The following ITPR1 variants were observed in gnomAD, a reference collection of about 807,000 sequenced individuals.
The protein encoded by ITPR1 is inositol 1,4,5-trisphosphate-gated calcium channel ITPR1.
Under a neutral mutation model 318.4 loss-of-function variants are expected in ITPR1, and 96 were observed. The ratio of observed to expected loss-of-function variants is 0.30; its 90% CI spans 0.26 to 0.36. ITPR1 has a LOEUF of 0.36. Among genes scored for constraint, ITPR1 ranks in the 10% least tolerant of loss-of-function variants. The pLI is 1.00. For synonymous variants in ITPR1, 1,312 were observed against 1,289.9 expected (o/e 1.02, Z -0.37); for missense variants, 2,440 against 3,460.2 (o/e 0.71, Z 7.40).
intron 4 of ITPR1, among the ~76,000 whole-genome samples, chr3:4,613,962 C>T (rs2092277957): frequency 1.3e-5 from 2 of 152,198 alleles, no homozygotes; most frequent in East Asian, 1.9e-4. Flanking sequence ...AAAATACCAC[C>T]TCCACCTCTA....
In ITPR1 at chr3:4,697,129, C is replaced by G; in HGVS notation, c.4282-18C>G. On this transcript the variant is annotated intron_variant, in intron 33 of 61. Transcript: ENST00000649015. ...ACACCAAGATGGTTTTTCAGAAAAG[C>G]TTCTTTCTATCTTGCAGGTTAAAAT... 1 of 1,608,408 alleles carries G rather than the reference C, an allele frequency of 6.2e-7. No homozygotes were observed. The highest frequency in any genetic ancestry group is 8.5e-7 in the Non-Finnish European group (1 of 1,176,900).
At chr3:4,566,200 A>G (rs1020705947) in intron 4 of ITPR1, among the ~76,000 whole-genome samples, 5 of 152,212 alleles carry the variant, frequency 3.3e-5, no homozygotes, top group Non-Finnish European at 5.9e-5. Context: ...GCCAATTTGG[A>G]AACTGAACCT....
intron 18 of ITPR1, among the ~76,000 whole-genome samples, chr3:4,668,584 C>G (rs1031667690): frequency 5.9e-5 from 9 of 152,136 alleles, no homozygotes; most frequent in Admixed American, 5.9e-4. Flanking sequence ...TGTTCTGCCT[C>G]AGGCTCCCCA....
chr3:4,523,249 T>C (rs910281117), intron 4 of ITPR1, among the ~76,000 whole-genome samples: 8 of 152,200 alleles, frequency 5.3e-5, no homozygotes, highest in African/African-American at 1.4e-4. Flanking sequence ...GAGATTCTAA[T>C]GTACTGTACG....
chr3:4,821,478 A>G (rs1026993495), intron 60 of ITPR1, among the ~76,000 whole-genome samples: 5 of 152,234 alleles, frequency 3.3e-5, no homozygotes, highest in Admixed American at 3.3e-4. Context: ...ATGGGTTTTC[A>G]TCTCACCCCA....
intron 56 of ITPR1, among the ~76,000 whole-genome samples, chr3:4,812,447 G>A (rs1001215940): frequency 6.6e-6 from 1 of 152,042 alleles, no homozygotes; most frequent in Non-Finnish European, 1.5e-5. Flanking sequence ...ACTATATGCA[G>A]GTTTTACAGT....
chr3:4,697,246 G>C lies in ITPR1; in HGVS notation c.4381G>C (p.Glu1461Gln), dbSNP rs1559718725. Residue 1461 changes from glutamate to glutamine, a missense_variant, in exon 34 of 62, where the codon GAG becomes CAG. Physicochemically the swap from Glu to Gln is conservative, Grantham distance 29. Transcript: ENST00000649015. The stretch of plus-strand genomic sequence containing the variant: ...CAGCAATCACATGTGGAAATTGTTT[G>C]AGAATTTCCTTGTAGACATCTGCAG... ...YTSNHMWKLFENFLVDICRAC... is the reference protein window; with the variant it reads ...YTSNHMWKLFQNFLVDICRAC... 2 of 1,567,036 alleles carry C rather than the reference G, an allele frequency of 1.3e-6. No homozygotes were observed. The highest frequency in any genetic ancestry group is 8.7e-7 in the Non-Finnish European group (1 of 1,154,808).
In ITPR1 at chr3:4,521,893, CA is replaced by C. The variant is rs1575400755; in HGVS notation, c.163+804del. 6.6e-5 allele frequency among the ~76,000 whole-genome samples: 10 copies of C among 152,100 alleles called. 1 individual carries two copies. The highest frequency in any genetic ancestry group is 6.5e-5 in the Admixed American group (1 of 15,288). ...TCAAAAACAAAAACAAAAACAAAAACAAAAACAAGACATAGGCAGGGCAGCT... is the reference window on the plus strand; with the variant it reads ...TCAAAAACAAAAACAAAAACAAAAACAAAACAAGACATAGGCAGGGCAGCT... On this transcript the variant is annotated intron_variant, in intron 4 of 61. Transcript: ENST00000649015.
intron 43 of ITPR1, 115 bp downstream of exon 43, chr3:4,733,335 G>A (rs1409046841): frequency 3.2e-6 from 4 of 1,236,736 alleles, no homozygotes; most frequent in East Asian, 2.4e-5. Flanking sequence ...TGTTGCAGGT[G>A]TATTTTTTAG....
rs2094512747 is a variant in ITPR1, at chr3:4,693,577, G to T, written c.4117G>T (p.Asp1373Tyr). 1 of 1,614,038 alleles carries T rather than the reference G, an allele frequency of 6.2e-7. No individual in the cohort carries two copies. Among genetic ancestry groups the T allele is most frequent in the Non-Finnish European group, 8.5e-7 (1 of 1,179,894 alleles). The change falls in exon 33 of 62, where the codon GAT becomes TAT. Residue 1373 changes from aspartate (D) to tyrosine (Y), a missense_variant. Asp to Tyr is a radical substitution (Grantham distance 160). This residue lies in a region of ITPR1 where 222 missense variants were observed against 318.8 expected (regional missense o/e 0.70). Coordinates refer to ENST00000649015, the MANE Select transcript of ITPR1 (RefSeq NM_001378452.1). ...TLIQMMRSER[D>Y]RMDENSPLMY... ...GATCCAGATGATGCGGTCAGAACGG[G>T]ATCGGATGGATGAGAACAGCCCTCT...
intron 39 of ITPR1, among the ~76,000 whole-genome samples, chr3:4,716,978 G>T (rs955425164): frequency 2.0e-5 from 3 of 152,142 alleles, no homozygotes; most frequent in Non-Finnish European, 2.9e-5. Flanking sequence ...TCTAAACTGG[G>T]CTAATTCTAC....
intron 5 of ITPR1, among the ~76,000 whole-genome samples, chr3:4,628,542 A>G (rs1324878098): frequency 1.3e-5 from 2 of 152,168 alleles, no homozygotes; most frequent in Non-Finnish European, 2.9e-5. Context: ...GTTCTCTGAG[A>G]TGTTTAAAAG....
chr3:4,670,473 C>T (rs1055415455), intron 19 of ITPR1, among the ~76,000 whole-genome samples: 2 of 152,200 alleles, frequency 1.3e-5, no homozygotes, highest in Non-Finnish European at 2.9e-5. Flanking sequence ...CCAGTAGCAC[C>T]TCTCCATTTC....
chr3:4,663,041 T>C, intron 15 of ITPR1, 24 bp from the exon 16 acceptor site: 1 of 1,611,830 alleles, frequency 6.2e-7, no homozygotes, highest in Admixed American at 1.7e-5. Context: ...CACATCTGTC[T>C]CTAATAGCGT....
At chr3:4,571,833 C>T (rs185850737) in intron 4 of ITPR1, among the ~76,000 whole-genome samples, 19 of 152,268 alleles carry the variant, frequency 1.2e-4, no homozygotes, top group Admixed American at 1.0e-3. Context: ...AGATGTTAGA[C>T]TTTGAGACCC....
rs2291862 is a variant in ITPR1 at position 4,800,547 on chromosome 3, C to T, written c.7054C>T (p.Leu2352=). 456,314 of 1,613,528 alleles carry T rather than the reference C, an allele frequency of 0.28. 66,485 individuals carry two copies. Among genetic ancestry groups the T allele is most frequent in the East Asian group, 0.4 (18,100 of 44,868 alleles). The change falls in exon 54 of 62, where the codon CTG becomes TTG. Residue 2352 remains leucine, a synonymous_variant. Coordinates refer to ENST00000649015, the MANE Select transcript of ITPR1 (RefSeq NM_001378452.1). ...RALIASTILR[L]IFSVGLQPTL... is the part of the protein sequence containing the mutation. ...CTTAATTGCCTCCACAATTCTACGA[C>T]TGATATTTTCAGTCGGGTTACAACC...
chr3:4,592,820 A>G (rs1310233501), intron 4 of ITPR1, among the ~76,000 whole-genome samples: 1 of 152,194 alleles, frequency 6.6e-6, no homozygotes, highest in Non-Finnish European at 1.5e-5. Context: ...CTCTTTGACC[A>G]GGGCTGGGTC....
intron 16 of ITPR1, among the ~76,000 whole-genome samples, chr3:4,664,422 C>A (rs772007369): frequency 6.6e-6 from 1 of 152,180 alleles, no homozygotes; most frequent in Non-Finnish European, 1.5e-5. Flanking sequence ...GCCACCAAAG[C>A]TAAAAGAGAA....
chr3:4,766,459 T>G, intron 44 of ITPR1, 71 bp from the exon 45 acceptor site: 1 of 1,309,280 alleles, frequency 7.6e-7, no homozygotes, highest in Admixed American at 1.9e-5. Flanking sequence ...TTCATTAGGT[T>G]TTGGTGTCAT....
Sources: gnomAD v4.1 joint callset for allele counts (sites outside exome capture counted in the v4.1 genomes callset) on GRCh38, gnomAD v4.1.1 for gene constraint, gnomAD v4.1.1 regional missense constraint, MANE v1.5 for transcripts, NCBI Gene and HGNC (gene_info 2026-07-23, HGNC 2026-07-21) for gene names.